MAGI1: variants seen among roughly 807,000 people sequenced by gnomAD.
MAGI1 encodes membrane-associated guanylate kinase, WW and PDZ domain-containing protein 1.
In MAGI1, 58 loss-of-function variants were observed where a neutral mutation model predicts 139.9. The ratio of observed to expected loss-of-function variants is 0.41; its 90% confidence interval spans 0.34 to 0.52. The LOEUF (loss-of-function observed/expected upper bound fraction) is 0.52, where lower values mean the gene tolerates loss of function less well. Among genes scored for constraint, MAGI1 ranks in the 20% least tolerant of loss-of-function variants. MAGI1 has a pLI of 0.12. For synonymous variants in MAGI1, 812 were observed against 737.9 expected (o/e 1.10, Z -1.63); for missense variants, 1,874 against 1,901.6 (o/e 0.99, Z 0.27).
At chr3:65,538,775 A>C (rs1404552) in intron 2 of MAGI1, among the ~76,000 whole-genome samples, 1 of 151,866 alleles carries the variant, frequency 6.6e-6, no homozygotes, top group Admixed American at 6.6e-5. Flanking sequence ...TCTCTGTTCG[A>C]TCCTCAACAT....
At position 65,768,499 on chromosome 3, in the gene MAGI1, T is replaced by TCAGTC. The variant is rs1349365821; in HGVS notation, c.314-146416_314-146412dup. 4.4e-4 allele frequency among the ~76,000 whole-genome samples: 67 copies of TCAGTC among 152,312 alleles called. 1 individual carries two copies. Among genetic ancestry groups the TCAGTC allele is most frequent in the Admixed American group, 4.3e-3 (66 of 15,300 alleles). On this transcript the variant is annotated intron_variant, in intron 1 of 22. Transcript: ENST00000402939. ...AGTGGTAAAGCAAAGGTTGCTTGTC[T>TCAGTC]CAGTCAAGTTTTTTCTTCATTGTTT... is the stretch of plus-strand genomic sequence containing the variant.
chr3:65,404,978 C>T (rs1023907489), intron 12 of MAGI1, among the ~76,000 whole-genome samples: 10 of 152,118 alleles, frequency 6.6e-5, no homozygotes, highest in African/African-American at 9.7e-5. Context: ...ATAAGGCATA[C>T]GGCACCTGTC....
chr3:65,789,516 T>C (rs1452406531), intron 1 of MAGI1, among the ~76,000 whole-genome samples: 1 of 152,218 alleles, frequency 6.6e-6, no homozygotes, highest in Non-Finnish European at 1.5e-5. Context: ...TTTAATCCTT[T>C]AGCCAATTCC....
At chr3:65,394,211 G>A (rs1432603590) in intron 13 of MAGI1, among the ~76,000 whole-genome samples, 2 of 152,084 alleles carry the variant, frequency 1.3e-5, no homozygotes, top group African/African-American at 2.4e-5. Context: ...GAAGTCTACT[G>A]GAAATGCTTG....
At chr3:65,708,212 C>T (rs951689769) in intron 1 of MAGI1, among the ~76,000 whole-genome samples, 2 of 152,152 alleles carry the variant, frequency 1.3e-5, no homozygotes, top group African/African-American at 4.8e-5. Flanking sequence ...GGCTTTTCCC[C>T]CCTTTTAAAG....
intron 1 of MAGI1, among the ~76,000 whole-genome samples, chr3:65,865,427 C>T (rs556474504): frequency 2.0e-5 from 3 of 152,084 alleles, no homozygotes; most frequent in African/African-American, 7.2e-5. Flanking sequence ...GAGACATCAT[C>T]TCTACAAACA....
intron 1 of MAGI1, among the ~76,000 whole-genome samples, chr3:66,029,135 G>A (rs2068461776): frequency 6.6e-6 from 1 of 152,142 alleles, no homozygotes; most frequent in South Asian, 2.1e-4. Flanking sequence ...CTCATAAAGT[G>A]TAAAGCCTGC....
At chr3:65,846,832 A>G (rs74564602) in intron 1 of MAGI1, among the ~76,000 whole-genome samples, 2,915 of 152,190 alleles carry the variant, frequency 0.019, 41 homozygotes, top group Non-Finnish European at 0.032. Context: ...CTCTGTGAGG[A>G]AGCATTAAAT....
chr3:65,526,693 AG>A (rs2078395990), intron 2 of MAGI1, among the ~76,000 whole-genome samples: 1 of 152,226 alleles, frequency 6.6e-6, no homozygotes, highest in South Asian at 2.1e-4. Flanking sequence ...TTTAAATACA[AG>A]AACAACCAAG....
intron 3 of MAGI1, among the ~76,000 whole-genome samples, chr3:65,480,585 CTTTT>C (rs71102864): frequency 4.0e-5 from 4 of 99,062 alleles, no homozygotes; most frequent in Non-Finnish European, 8.1e-5. Flanking sequence ...AATAAGGTTT[CTTTT>C]TTTTTTTTTT....
chr3:65,471,208 T>G (rs1298154982), intron 4 of MAGI1, among the ~76,000 whole-genome samples: 1 of 152,164 alleles, frequency 6.6e-6, no homozygotes, highest in Non-Finnish European at 1.5e-5. Context: ...TCTCCTTGCC[T>G]TCTTATTAAC....
chr3:65,974,684 C>A (rs892631572), intron 1 of MAGI1, among the ~76,000 whole-genome samples: 1 of 152,162 alleles, frequency 6.6e-6, no homozygotes, highest in African/African-American at 2.4e-5. Flanking sequence ...AGCTCATTCG[C>A]ATGGCTGTCA....
chr3:65,733,685 G>A (rs2034422886), intron 1 of MAGI1, among the ~76,000 whole-genome samples: 1 of 152,138 alleles, frequency 6.6e-6, no homozygotes, highest in Non-Finnish European at 1.5e-5. Context: ...TCCCTTCCTT[G>A]GATGTTTGAT....
At chr3:66,017,485 TGCC>T (rs1357305537) in intron 1 of MAGI1, among the ~76,000 whole-genome samples, 2 of 152,218 alleles carry the variant, frequency 1.3e-5, no homozygotes, top group Non-Finnish European at 2.9e-5. Flanking sequence ...AAGGGGATCC[TGCC>T]ACCTGTCACC....
chr3:65,952,087 A>G (rs547877132), intron 1 of MAGI1, among the ~76,000 whole-genome samples: 3 of 152,306 alleles, frequency 2.0e-5, no homozygotes, highest in South Asian at 4.1e-4. Flanking sequence ...GAAATGCTCA[A>G]ATTCAGTTAG....
At chr3:65,843,324 T>A (rs921329753) in intron 1 of MAGI1, among the ~76,000 whole-genome samples, 1 of 151,942 alleles carries the variant, frequency 6.6e-6, no homozygotes. Flanking sequence ...GGGAGGAGAT[T>A]CCCCCACCAT....
At chr3:65,622,231 T>C (rs984722729) in intron 1 of MAGI1, 143 bp from the exon 2 acceptor site, 10 of 688,352 alleles carry the variant, frequency 1.5e-5, no homozygotes, top group Non-Finnish European at 2.6e-5. Flanking sequence ...ACTTTAGGTT[T>C]TCCTCTGCAG....
intron 1 of MAGI1, among the ~76,000 whole-genome samples, chr3:65,713,698 T>C (rs1483074016): frequency 6.6e-6 from 1 of 152,186 alleles, no homozygotes; most frequent in Non-Finnish European, 1.5e-5. Flanking sequence ...CATTCATTCA[T>C]TTATGTATTC....
intron 2 of MAGI1, among the ~76,000 whole-genome samples, chr3:65,556,315 G>A (rs567619331): frequency 6.6e-6 from 1 of 152,260 alleles, no homozygotes; most frequent in Admixed American, 6.5e-5. Context: ...CTTTAAAAAT[G>A]CAACATGCTT....
Sources: gnomAD v4.1 joint callset for allele counts (sites outside exome capture counted in the v4.1 genomes callset) on GRCh38, gnomAD v4.1.1 for gene constraint, MANE v1.5 for transcripts, NCBI Gene and HGNC (gene_info 2026-07-23, HGNC 2026-07-21) for gene names.